Variants in KATNBL1 observed in about 807,000 individuals in gnomAD.
KATNBL1 encodes the protein katanin regulatory subunit B1 like 1, also known as KATNB1-like protein 1.
Under a neutral mutation model 44.7 loss-of-function variants are expected in KATNBL1, and 28 were observed. The ratio of observed to expected loss-of-function variants is 0.63; its 90% confidence interval spans 0.46 to 0.86. The LOEUF is 0.86. KATNBL1 is among the 40% of genes least tolerant of loss of function. KATNBL1 has a pLI of 0.00. For synonymous variants in KATNBL1, 78 were observed against 114.9 expected (o/e 0.68, Z 2.06); for missense variants, 272 against 350.7 (o/e 0.78, Z 1.79).
chr15:34,183,979 G>A (rs1889639950), intron 1 of KATNBL1, among the ~76,000 whole-genome samples: 2 of 151,956 alleles, frequency 1.3e-5, no homozygotes, highest in South Asian at 4.1e-4. Flanking sequence ...GACTAGCCTG[G>A]CCAACATGGT....
chr15:34,187,247 C>G (rs967230306), intron 1 of KATNBL1, among the ~76,000 whole-genome samples: 4 of 152,188 alleles, frequency 2.6e-5, no homozygotes, highest in African/African-American at 7.2e-5. Flanking sequence ...AATGACTTAA[C>G]TGCAGAGAGG....
At chr15:34,156,986 A>G (rs1888657870) in intron 2 of KATNBL1, among the ~76,000 whole-genome samples, 1 of 152,184 alleles carries the variant, frequency 6.6e-6, no homozygotes, top group South Asian at 2.1e-4. Flanking sequence ...CTCAGTTTAT[A>G]CTGGAATCTC....
chr15:34,181,678 A>C (rs62016519), intron 1 of KATNBL1, among the ~76,000 whole-genome samples: 36 of 83,922 alleles, frequency 4.3e-4, no homozygotes, highest in Non-Finnish European at 5.4e-4. Flanking sequence ...ATATATATAC[A>C]CATATATATG....
In KATNBL1 at chr15:34,146,750, G is replaced by A; in HGVS notation, c.788+11C>T. ...ATTTCAGCATGAGTTTATCTTTAAAGGTATACTCACCCATCATTTATAATT... is the reference window on the plus strand; with the variant it reads ...ATTTCAGCATGAGTTTATCTTTAAAAGTATACTCACCCATCATTTATAATT... On this transcript the variant is annotated intron_variant, in intron 8 of 9. Coordinates refer to ENST00000256544, the MANE Select transcript of KATNBL1 (RefSeq NM_024713.3). The A allele has an allele frequency of 2.0e-6, 3 of 1,488,300 alleles. No individual in the cohort carries two copies. Among genetic ancestry groups the A allele is most frequent in the Non-Finnish European group, 2.8e-6 (3 of 1,066,550 alleles). The allele number at this position is 1,488,300 out of a possible 1,614,324, so 92.2% of individuals were successfully genotyped here. A position where few individuals can be genotyped will look rare whatever the true frequency, so the allele number is the denominator to read the frequency against.
At chr15:34,162,949 T>C (rs1888852692) in intron 2 of KATNBL1, among the ~76,000 whole-genome samples, 1 of 151,912 alleles carries the variant, frequency 6.6e-6, no homozygotes, top group African/African-American at 2.4e-5. Context: ...CCAGTGCTAA[T>C]GAACCTTACA....
intron 1 of KATNBL1, among the ~76,000 whole-genome samples, chr15:34,199,208 G>T (rs954120643): frequency 3.9e-5 from 6 of 152,192 alleles, no homozygotes; most frequent in Admixed American, 2.0e-4. Context: ...GGAGGCTGAC[G>T]TGGGCGGATC....
intron 1 of KATNBL1, among the ~76,000 whole-genome samples, chr15:34,207,205 A>AATTTT (rs1178539116): frequency 1.1e-4 from 16 of 151,398 alleles, no homozygotes; most frequent in Non-Finnish European, 1.6e-4. Context: ...ACACCTGCCT[A>AATTTT]ATTTTATTTT....
intron 1 of KATNBL1, among the ~76,000 whole-genome samples, chr15:34,198,972 T>C (rs779630058): frequency 1.3e-5 from 2 of 152,170 alleles, no homozygotes; most frequent in Non-Finnish European, 2.9e-5. Flanking sequence ...TTTGAAAGAA[T>C]GTGGCAATTA....
At chr15:34,178,307 G>C (rs1171722327) in intron 1 of KATNBL1, among the ~76,000 whole-genome samples, 1 of 152,152 alleles carries the variant, frequency 6.6e-6, no homozygotes, top group Non-Finnish European at 1.5e-5. Flanking sequence ...TAAGCTATAA[G>C]CTATCTACCA....
At chr15:34,203,859 A>G (rs1472115531) in intron 1 of KATNBL1, among the ~76,000 whole-genome samples, 1 of 151,250 alleles carries the variant, frequency 6.6e-6, no homozygotes, top group African/African-American at 2.4e-5. Flanking sequence ...GGAGGGGAAC[A>G]TCACACACCG....
At chr15:34,154,888 G>C in intron 2 of KATNBL1, 1 of 558,078 alleles carries the variant, frequency 1.8e-6, no homozygotes, top group Non-Finnish European at 3.2e-6. Context: ...CCCTACTACT[G>C]TGTCATTCCC....
intron 5 of KATNBL1, 51 bp downstream of exon 5, chr15:34,148,581 T>A (rs1234108946): frequency 9.3e-7 from 1 of 1,073,040 alleles, no homozygotes; most frequent in East Asian, 2.4e-5. Flanking sequence ...AAGCAAGAAC[T>A]TGTCTCAGAA....
chr15:34,152,305 A>G (rs1369332207), intron 4 of KATNBL1, among the ~76,000 whole-genome samples: 9 of 151,372 alleles, frequency 5.9e-5, no homozygotes, highest in Admixed American at 5.3e-4. Flanking sequence ...GGTTCAAGCG[A>G]TTCTCCTGTC....
chr15:34,148,315 C>A (rs1388183105), intron 5 of KATNBL1: 1 of 174,490 alleles, frequency 5.7e-6, no homozygotes, highest in Admixed American at 6.0e-5. Flanking sequence ...TTAAGCCATA[C>A]TGTCTCTACT....
intron 1 of KATNBL1, among the ~76,000 whole-genome samples, chr15:34,198,549 T>C (rs952323808): frequency 6.6e-6 from 1 of 152,250 alleles, no homozygotes; most frequent in Non-Finnish European, 1.5e-5. Flanking sequence ...GTAATCTCAA[T>C]GAATGTTTCT....
intron 1 of KATNBL1, among the ~76,000 whole-genome samples, chr15:34,179,163 G>C (rs975046378): frequency 3.9e-5 from 6 of 152,276 alleles, no homozygotes; most frequent in Middle Eastern, 3.4e-3. Context: ...AATTTATAAA[G>C]AACAGAGGTT....
intron 3 of KATNBL1, among the ~76,000 whole-genome samples, chr15:34,154,059 C>T (rs1888562739): frequency 6.6e-6 from 1 of 152,126 alleles, no homozygotes; most frequent in African/African-American, 2.4e-5. Context: ...TTATATATCT[C>T]TAATATCTGG....
chr15:34,148,165 T>C (rs535230856), intron 5 of KATNBL1, among the ~76,000 whole-genome samples: 1 of 152,190 alleles, frequency 6.6e-6, no homozygotes, highest in Non-Finnish European at 1.5e-5. Context: ...AAGGGATTTT[T>C]AGAAGGTTAG....
intron 1 of KATNBL1, among the ~76,000 whole-genome samples, chr15:34,204,004 C>T (rs999086031): frequency 1.4e-5 from 2 of 139,236 alleles, no homozygotes; most frequent in Non-Finnish European, 3.1e-5. Flanking sequence ...ATTCTGCACA[C>T]GTACCTCAGA....
Sources: allele counts gnomAD v4.1 joint callset (sites outside exome capture counted in the v4.1 genomes callset), GRCh38; gene constraint gnomAD v4.1.1; transcripts MANE v1.5; gene names NCBI Gene and HGNC (gene_info 2026-07-23, HGNC 2026-07-21).